Variants in LRRC3B observed in about 807,000 individuals in gnomAD.
LRRC3B encodes the protein leucine rich repeat containing 3B.
In LRRC3B, 2 loss-of-function variants were observed where a neutral mutation model predicts 12.8. The observed-to-expected ratio is 0.16, with a 90% CI of 0.06 to 0.49. The LOEUF is 0.49. Ranked by LOEUF, LRRC3B falls within the 20% of genes least tolerant of loss-of-function variation. The probability of loss-of-function intolerance (pLI) is 0.96; values close to 1 mark genes in which losing one functional copy is unlikely to be tolerated. For missense variants in LRRC3B, 189 were observed against 319.4 expected, an observed-to-expected ratio of 0.59 and a Z score of 3.11; for synonymous variants, 132 against 122.0, an observed-to-expected ratio of 1.08 and a Z score of -0.54.
At chr3:26,663,737 A>G (rs1345702150) in intron 1 of LRRC3B, among the ~76,000 whole-genome samples, 1 of 152,156 alleles carries the variant, frequency 6.6e-6, no homozygotes, top group East Asian at 1.9e-4. Flanking sequence ...GTATCACTCA[A>G]GCCAGAAATC....
intron 1 of LRRC3B, among the ~76,000 whole-genome samples, chr3:26,643,015 C>CAAAAAAAA (rs745665933): frequency 7.0e-6 from 1 of 142,546 alleles, no homozygotes; most frequent in African/African-American, 2.7e-5. Flanking sequence ...GACTCCGTTT[C>CAAAAAAAA]AAAAAAAAAA....
intron 1 of LRRC3B, among the ~76,000 whole-genome samples, chr3:26,708,814 T>C (rs1700672042): frequency 2.0e-5 from 3 of 152,158 alleles, no homozygotes; most frequent in African/African-American, 4.8e-5. Flanking sequence ...GTGTGCCATA[T>C]TTAAGCATTT....
At chr3:26,665,716 G>T (rs890170405) in intron 1 of LRRC3B, among the ~76,000 whole-genome samples, 19 of 152,158 alleles carry the variant, frequency 1.2e-4, no homozygotes, top group Non-Finnish European at 2.1e-4. Context: ...GAAACCTTTT[G>T]GTAATTGTTG....
At chr3:26,706,213 G>A (rs1700583364) in intron 1 of LRRC3B, among the ~76,000 whole-genome samples, 1 of 152,004 alleles carries the variant, frequency 6.6e-6, no homozygotes, top group African/African-American at 2.4e-5. Flanking sequence ...CTGCTTTCAT[G>A]ACCTAATCAC....
At chr3:26,633,463 A>T (rs1006940344) in intron 1 of LRRC3B, among the ~76,000 whole-genome samples, 3 of 152,210 alleles carry the variant, frequency 2.0e-5, no homozygotes, top group Admixed American at 1.3e-4. Context: ...ACAAAATATT[A>T]TTGATTGCTT....
At chr3:26,666,878 G>A (rs1397084537) in intron 1 of LRRC3B, among the ~76,000 whole-genome samples, 3 of 152,016 alleles carry the variant, frequency 2.0e-5, no homozygotes, top group South Asian at 4.1e-4. Flanking sequence ...GAAGAGTCAG[G>A]TATTTTGTAG....
intron 1 of LRRC3B, among the ~76,000 whole-genome samples, chr3:26,671,261 C>T (rs562572841): frequency 4.5e-4 from 66 of 145,262 alleles, no homozygotes; most frequent in African/African-American, 1.3e-3. Context: ...GTGATCCGCC[C>T]GCCTCGGCCT....
intron 1 of LRRC3B, among the ~76,000 whole-genome samples, chr3:26,670,794 A>G (rs2125430754): frequency 6.6e-6 from 1 of 152,282 alleles, no homozygotes; most frequent in African/African-American, 2.4e-5. Context: ...AGGAAAATGG[A>G]AAGCAATAAT....
chr3:26,648,192 G>T (rs560096317), intron 1 of LRRC3B, among the ~76,000 whole-genome samples: 1 of 152,056 alleles, frequency 6.6e-6, no homozygotes, highest in Middle Eastern at 3.4e-3. Flanking sequence ...GAAAGAGCTT[G>T]ATTTAAATTG....
At chr3:26,666,730 G>A (rs955835173) in intron 1 of LRRC3B, among the ~76,000 whole-genome samples, 45 of 152,180 alleles carry the variant, frequency 3.0e-4, no homozygotes, top group African/African-American at 1.1e-3. Flanking sequence ...AACAATATTT[G>A]GATGTCACCA....
At chr3:26,707,295 G>A (rs917334526) in intron 1 of LRRC3B, among the ~76,000 whole-genome samples, 20 of 151,056 alleles carry the variant, frequency 1.3e-4, no homozygotes, top group African/African-American at 4.4e-4. Flanking sequence ...AACCTGGCAG[G>A]CGGAGATTTG....
At chr3:26,656,382 C>T (rs1699373092) in intron 1 of LRRC3B, among the ~76,000 whole-genome samples, 1 of 152,144 alleles carries the variant, frequency 6.6e-6, no homozygotes, top group Non-Finnish European at 1.5e-5. Flanking sequence ...GGTTTGCTCC[C>T]TGTAGTCATT....
intron 1 of LRRC3B, among the ~76,000 whole-genome samples, chr3:26,670,056 G>C (rs564723118): frequency 5.3e-5 from 8 of 152,020 alleles, no homozygotes; most frequent in Non-Finnish European, 1.2e-4. Flanking sequence ...GACCTGACTG[G>C]GTCTATTATC....
At chr3:26,661,294 G>A (rs987511594) in intron 1 of LRRC3B, among the ~76,000 whole-genome samples, 1 of 152,176 alleles carries the variant, frequency 6.6e-6, no homozygotes, top group Non-Finnish European at 1.5e-5. Flanking sequence ...GGTAGAGCAA[G>A]TACCCATACT....
At chr3:26,643,082 A>G (rs1699065768) in intron 1 of LRRC3B, among the ~76,000 whole-genome samples, 1 of 152,042 alleles carries the variant, frequency 6.6e-6, no homozygotes, top group Non-Finnish European at 1.5e-5. Flanking sequence ...ATGTTCACAT[A>G]TGCAGCGACA....
chr3:26,631,842 C>T lies in LRRC3B; in HGVS notation c.-161+8605C>T, dbSNP rs556235883. 5.0e-4 allele frequency among the ~76,000 whole-genome samples: 76 copies of T among 151,322 alleles called. 2 individuals are homozygous for T. Among genetic ancestry groups the T allele is most frequent in the African/African-American group, 1.7e-3 (71 of 40,676 alleles). ...CAAATGTTCTGGGCTCTACTTCCCC[C>T]GTAAGAGGGAAATTAGGAGTTAAAT... On this transcript the variant is annotated intron_variant, in intron 1 of 1. Coordinates refer to ENST00000396641, the Ensembl canonical transcript of LRRC3B.
At chr3:26,702,232 G>A (rs1462042256) in intron 1 of LRRC3B, among the ~76,000 whole-genome samples, 1 of 152,180 alleles carries the variant, frequency 6.6e-6, no homozygotes, top group Non-Finnish European at 1.5e-5. Flanking sequence ...TTAGAGAAAG[G>A]AGAGTTTGGA....
chr3:26,669,526 C>G (rs1005403593), intron 1 of LRRC3B, among the ~76,000 whole-genome samples: 1 of 152,092 alleles, frequency 6.6e-6, no homozygotes, highest in South Asian at 2.1e-4. Context: ...TTTTTAACCC[C>G]ATGATAACCC....
chr3:26,630,295 T>C (rs1029558631), intron 1 of LRRC3B, among the ~76,000 whole-genome samples: 4 of 152,168 alleles, frequency 2.6e-5, no homozygotes, highest in African/African-American at 9.7e-5. Context: ...CAGGCCAAGG[T>C]CTTCTACTCT....
Sources: gnomAD v4.1 joint callset for allele counts (sites outside exome capture counted in the v4.1 genomes callset) on GRCh38, gnomAD v4.1.1 for gene constraint, MANE v1.5 for transcripts, NCBI Gene and HGNC (gene_info 2026-07-23, HGNC 2026-07-21) for gene names.